PCDHA11: variants seen among roughly 807,000 people sequenced by gnomAD.
PCDHA11 encodes the protein protocadherin alpha 11, also known as protocadherin alpha-11.
Under a neutral mutation model 70.3 loss-of-function variants are expected in PCDHA11, and 61 were observed. The observed-to-expected ratio is 0.87, with a 90% CI of 0.71 to 1.07. The LOEUF (loss-of-function observed/expected upper bound fraction) is 1.07. PCDHA11 is among the 50% of genes least tolerant of loss of function. PCDHA11 has a pLI of 0.00. For missense variants in PCDHA11, 1,324 were observed against 1,237.5 expected (o/e 1.07, Z -1.05); for synonymous variants, 633 against 555.1 (o/e 1.14, Z -1.97).
chr5:140,993,996 G>T (rs1163632974), intron 3 of PCDHA11, among the ~76,000 whole-genome samples: 1 of 152,148 alleles, frequency 6.6e-6, no homozygotes, highest in Non-Finnish European at 1.5e-5. Flanking sequence ...CTTAGGTCAG[G>T]CCAGGCTCTG....
intron 1 of PCDHA11, chr5:140,884,203 C>G (rs554797854): frequency 6.2e-7 from 1 of 1,613,518 alleles, no homozygotes; most frequent in African/African-American, 1.3e-5. Context: ...CGCCGCACCA[C>G]CGCCTTCTGG....
chr5:140,984,861 C>A (rs1163314869), intron 3 of PCDHA11, among the ~76,000 whole-genome samples: 1 of 151,870 alleles, frequency 6.6e-6, no homozygotes, highest in Non-Finnish European at 1.5e-5. Flanking sequence ...ATAATAACAC[C>A]TATTTTATTG....
In PCDHA11 at chr5:140,869,936, C is replaced by T. The variant is rs1554163630; in HGVS notation, c.833C>T (p.Thr278Ile). Residue 278 changes from threonine to isoleucine, a missense_variant, in exon 1 of 4, where the codon ACA becomes ATA. Coordinates refer to ENST00000398640, the MANE Select transcript of PCDHA11 (RefSeq NM_018902.5). ...GACGAAGGAGTCAATGGAGAGGTAA[C>T]ATACTCCTTAATGTCAATTAAGCCC... ...DRDEGVNGEV[T>I]YSLMSIKPNG... 1 of 1,611,844 alleles carries T rather than the reference C, an allele frequency of 6.2e-7. No individual in the cohort carries two copies. Among genetic ancestry groups the T allele is most frequent in the South Asian group, 1.1e-5 (1 of 90,742 alleles).
intron 3 of PCDHA11, among the ~76,000 whole-genome samples, chr5:140,993,754 A>T (rs1253767297): frequency 6.6e-6 from 1 of 152,170 alleles, no homozygotes; most frequent in African/African-American, 2.4e-5. Context: ...ACTTGCCATT[A>T]TATTACAATT....
At chr5:140,964,609 T>A (rs2095843840) in intron 1 of PCDHA11, among the ~76,000 whole-genome samples, 1 of 152,062 alleles carries the variant, frequency 6.6e-6, no homozygotes, top group Non-Finnish European at 1.5e-5. Context: ...AACTTACAAC[T>A]TGATTCCACT....
chr5:140,890,499 TTA>T (rs1320014650), intron 1 of PCDHA11, among the ~76,000 whole-genome samples: 1 of 152,222 alleles, frequency 6.6e-6, no homozygotes, highest in Non-Finnish European at 1.5e-5. Flanking sequence ...CTCACCATTT[TTA>T]TGTCTCTATT....
intron 1 of PCDHA11, among the ~76,000 whole-genome samples, chr5:140,942,620 A>C (rs1304224304): frequency 3.5e-5 from 1 of 28,710 alleles, no homozygotes; most frequent in African/African-American, 2.6e-4. Context: ...TGCCAATTGT[A>C]AAAAAAAAAA....
At chr5:140,968,287 C>G (rs7712041) in intron 1 of PCDHA11, 1 of 1,613,902 alleles carries the variant, frequency 6.2e-7, no homozygotes, top group South Asian at 1.1e-5. Context: ...TGACCTACTC[C>G]CTTCTGGAGA....
intron 1 of PCDHA11, chr5:140,967,193 G>A (rs1190093681): frequency 6.2e-7 from 1 of 1,613,392 alleles, no homozygotes; most frequent in Non-Finnish European, 8.5e-7. Flanking sequence ...GGACATCAAC[G>A]ACAACTCACC....
chr5:140,883,068 C>T lies in PCDHA11; in HGVS notation c.2391+11574C>T, dbSNP rs782726947. The stretch of plus-strand genomic sequence containing the variant: ...ACATTAGTGATCAAGCTAAATGCCA[C>T]AGATCCTGATGATGGTACAAATGGA... On this transcript the variant is annotated intron_variant, in intron 1 of 3. Coordinates refer to ENST00000398640, the MANE Select transcript of PCDHA11 (RefSeq NM_018902.5). The T allele has an allele frequency of 1.4e-5, 23 of 1,614,130 alleles. No homozygotes were observed. The highest frequency in any genetic ancestry group is 1.9e-5 in the Non-Finnish European group (23 of 1,180,028).
At chr5:140,893,117 T>C (rs536917492) in intron 1 of PCDHA11, among the ~76,000 whole-genome samples, 72 of 152,356 alleles carry the variant, frequency 4.7e-4, no homozygotes, top group South Asian at 1.2e-3. Flanking sequence ...GTTGTGCATA[T>C]ACACCACATT....
rs2098417406 is a variant in PCDHA11, at chr5:141,010,474, G to A, written c.*537G>A. Reference sequence around the variant, plus strand: ...CGGAAGTTATCAGTATGGAGGGGAAGTGTAAACTTAAAGGGACCAGACTTT... The same window carrying A: ...CGGAAGTTATCAGTATGGAGGGGAAATGTAAACTTAAAGGGACCAGACTTT... On this transcript the variant is annotated 3_prime_UTR_variant, in exon 4 of 4. Transcript: ENST00000398640. The A allele has an allele frequency of 3.9e-6, 3 of 760,382 alleles. No individual in the cohort carries two copies. The highest frequency in any genetic ancestry group is 3.2e-5 in the Admixed American group (1 of 31,594). The allele number at this position is 760,382 out of a possible 1,614,324, so 47.1% of individuals were successfully genotyped here.
chr5:140,893,568 C>T (rs1554185659), intron 1 of PCDHA11, among the ~76,000 whole-genome samples: 1 of 152,150 alleles, frequency 6.6e-6, no homozygotes, highest in Non-Finnish European at 1.5e-5. Flanking sequence ...TGTACTTCCT[C>T]AGTTTTTGCT....
chr5:140,926,889 G>A, intron 1 of PCDHA11: 1 of 1,545,026 alleles, frequency 6.5e-7, no homozygotes, highest in Non-Finnish European at 8.7e-7. Context: ...CGCCTAGAGG[G>A]AGGATGGTGG....
intron 2 of PCDHA11, among the ~76,000 whole-genome samples, chr5:140,981,130 CAA>C (rs1267278229): frequency 6.6e-6 from 1 of 152,186 alleles, no homozygotes; most frequent in East Asian, 1.9e-4. Flanking sequence ...TGTTTGAAGT[CAA>C]AGAGTGAGAA....
rs782501180 is a variant in PCDHA11 at position 140,871,311 on chromosome 5, C to T, written c.2208C>T (p.Pro736=). ...PTEGACAPGK[P]TLVCSRAVGS... ...AGGGCGCGTGCGCGCCGGGGAAGCCCACGCTGGTGTGCTCCCGCGCGGTGG... is the reference window on the plus strand; with the variant it reads ...AGGGCGCGTGCGCGCCGGGGAAGCCTACGCTGGTGTGCTCCCGCGCGGTGG... Residue 736 remains proline, a synonymous_variant, in exon 1 of 4, where the codon CCC becomes CCT. Transcript: ENST00000398640. 5.6e-6 allele frequency: 9 copies of T among 1,613,922 alleles called. No individual in the cohort carries two copies. Among genetic ancestry groups the T allele is most frequent in the Non-Finnish European group, 7.6e-6 (9 of 1,180,004 alleles).
intron 1 of PCDHA11, chr5:140,875,643 G>A: frequency 6.2e-7 from 1 of 1,613,696 alleles, no homozygotes; most frequent in Non-Finnish European, 8.5e-7. Flanking sequence ...TGGAGCTGGC[G>A]GAGCTGGTGC....
At chr5:140,991,505 G>T (rs2097456335) in intron 3 of PCDHA11, among the ~76,000 whole-genome samples, 1 of 152,180 alleles carries the variant, frequency 6.6e-6, no homozygotes, top group Admixed American at 6.5e-5. Context: ...AGTTTCACTG[G>T]CTAAAATCAA....
intron 1 of PCDHA11, among the ~76,000 whole-genome samples, chr5:140,915,956 A>G (rs1170172761): frequency 6.6e-6 from 1 of 151,996 alleles, no homozygotes; most frequent in African/African-American, 2.4e-5. Flanking sequence ...ATACTTAGAA[A>G]TTTGCCTGAT....
Sources: allele counts gnomAD v4.1 joint callset (sites outside exome capture counted in the v4.1 genomes callset), GRCh38; gene constraint gnomAD v4.1.1; transcripts MANE v1.5; gene names NCBI Gene and HGNC (gene_info 2026-07-23, HGNC 2026-07-21).